The following GULP1 variants were observed in gnomAD, a reference collection of about 807,000 sequenced individuals.
GULP1 encodes the protein PTB domain-containing engulfment adapter protein 1.
In GULP1, 19 loss-of-function variants were observed where a neutral mutation model predicts 40.9. The observed-to-expected ratio is 0.46, with a 90% CI of 0.32 to 0.68. GULP1 has a LOEUF of 0.68. Among genes scored for constraint, GULP1 ranks in the 30% least tolerant of loss-of-function variants. The pLI, the probability that GULP1 is intolerant of heterozygous loss-of-function variation, is 0.03. For missense variants in GULP1, 312 were observed against 362.2 expected, an observed-to-expected ratio of 0.86 and a Z score of 1.12; for synonymous variants, 119 against 117.6, an observed-to-expected ratio of 1.01 and a Z score of -0.08.
At chr2:188,521,269 A>T (rs758303827) in intron 4 of GULP1, among the ~76,000 whole-genome samples, 5 of 152,156 alleles carry the variant, frequency 3.3e-5, no homozygotes, top group Non-Finnish European at 7.4e-5. Flanking sequence ...GTGATACTAG[A>T]CTTCTGTTTA....
At chr2:188,410,825 G>A (rs1247018014) in intron 2 of GULP1, among the ~76,000 whole-genome samples, 1 of 152,142 alleles carries the variant, frequency 6.6e-6, no homozygotes, top group Admixed American at 6.5e-5. Flanking sequence ...ATAAGAAATA[G>A]GCACAGACCT....
intron 1 of GULP1, among the ~76,000 whole-genome samples, chr2:188,365,127 C>A (rs2046616732): frequency 6.6e-6 from 1 of 152,082 alleles, no homozygotes. Context: ...TAGTGTTTCC[C>A]TGATGAAACA....
intron 2 of GULP1, among the ~76,000 whole-genome samples, chr2:188,468,277 G>A (rs1249982118): frequency 6.6e-6 from 1 of 152,066 alleles, no homozygotes; most frequent in African/African-American, 2.4e-5. Flanking sequence ...TGTGATATGT[G>A]TAATAAAGGA....
chr2:188,442,856 A>G (rs941829441), intron 2 of GULP1, among the ~76,000 whole-genome samples: 9 of 152,182 alleles, frequency 5.9e-5, no homozygotes, highest in Non-Finnish European at 1.2e-4. Context: ...AAAAGATCAG[A>G]TTCTGTCCCT....
intron 1 of GULP1, among the ~76,000 whole-genome samples, chr2:188,368,039 T>C (rs1170915717): frequency 6.6e-6 from 1 of 152,200 alleles, no homozygotes; most frequent in Non-Finnish European, 1.5e-5. Context: ...TTTCTATCCC[T>C]TCCTCTTCTT....
chr2:188,373,510 C>T (rs2152454472), intron 1 of GULP1, among the ~76,000 whole-genome samples: 1 of 151,874 alleles, frequency 6.6e-6, no homozygotes, highest in East Asian at 1.9e-4. Context: ...TTTACTTTTC[C>T]AGTTCCATAA....
At chr2:188,298,042 T>TA (rs946851860) in intron 1 of GULP1, among the ~76,000 whole-genome samples, 3 of 152,118 alleles carry the variant, frequency 2.0e-5, no homozygotes, top group Admixed American at 2.0e-4. Context: ...TTATAAGTAC[T>TA]AATGAGAGTT....
chr2:188,438,864 A>G (rs956121779), intron 2 of GULP1, among the ~76,000 whole-genome samples: 1 of 152,046 alleles, frequency 6.6e-6, no homozygotes, highest in East Asian at 1.9e-4. Context: ...CATGTCTGTA[A>G]CAATAAACTG....
At position 188,595,658 on chromosome 2, in the gene GULP1, T is replaced by A. The variant is rs1006071280; in HGVS notation, c.*1647T>A. The A allele has an allele frequency of 1.1e-4, 17 of 152,200 alleles. No homozygotes were observed. Among genetic ancestry groups the A allele is most frequent in the African/African-American group, 3.9e-4 (16 of 41,424 alleles). The allele number at this position is 152,200 out of a possible 1,614,324, so 9.4% of individuals were successfully genotyped here. On this transcript the variant is annotated 3_prime_UTR_variant, in exon 12 of 12. Transcript: ENST00000409830. ...TTATTGTACTTTAAAAAGATTTATG[T>A]AATAGGTATATATTTAGTGGCCATT...
At chr2:188,319,346 A>G (rs1213865396) in intron 1 of GULP1, among the ~76,000 whole-genome samples, 1 of 152,168 alleles carries the variant, frequency 6.6e-6, no homozygotes, top group East Asian at 1.9e-4. Flanking sequence ...GGTAAAAACA[A>G]TAGTTTAGTA....
intron 2 of GULP1, among the ~76,000 whole-genome samples, chr2:188,418,044 C>A (rs2054826178): frequency 6.6e-6 from 1 of 151,878 alleles, no homozygotes; most frequent in African/African-American, 2.4e-5. Flanking sequence ...AAACTCCAGG[C>A]CTCTAGTAAT....
intron 5 of GULP1, among the ~76,000 whole-genome samples, chr2:188,527,940 A>AT (rs1197664866): frequency 6.6e-6 from 1 of 152,208 alleles, no homozygotes; most frequent in Non-Finnish European, 1.5e-5. Context: ...GCTGTCTTGC[A>AT]TTACATGTCA....
At chr2:188,446,419 C>G (rs1481897870) in intron 2 of GULP1, among the ~76,000 whole-genome samples, 1 of 152,190 alleles carries the variant, frequency 6.6e-6, no homozygotes, top group Non-Finnish European at 1.5e-5. Flanking sequence ...CAGCCTGTTA[C>G]TTGCATCTCC....
At chr2:188,315,623 C>A (rs2038944891) in intron 1 of GULP1, among the ~76,000 whole-genome samples, 1 of 152,016 alleles carries the variant, frequency 6.6e-6, no homozygotes, top group Admixed American at 6.6e-5. Context: ...CAGTAGGCCC[C>A]CTTCATCCTC....
At chr2:188,490,063 CTT>C (rs540013432) in intron 4 of GULP1, among the ~76,000 whole-genome samples, 133 of 152,060 alleles carry the variant, frequency 8.7e-4, no homozygotes, top group African/African-American at 3.2e-3. Context: ...GAACTAAAAA[CTT>C]TTATTAGTAC....
intron 2 of GULP1, among the ~76,000 whole-genome samples, chr2:188,456,312 G>C (rs559451906): frequency 1.3e-5 from 2 of 152,088 alleles, no homozygotes; most frequent in Non-Finnish European, 2.9e-5. Context: ...ATCACGTGCC[G>C]GAAGGCCTAG....
chr2:188,470,850 G>A (rs892240307), intron 2 of GULP1, among the ~76,000 whole-genome samples: 2 of 152,144 alleles, frequency 1.3e-5, no homozygotes, highest in Non-Finnish European at 2.9e-5. Flanking sequence ...CCTTGAGAAT[G>A]ATCCATGCTC....
At chr2:188,406,994 GA>G (rs2053207963) in intron 2 of GULP1, among the ~76,000 whole-genome samples, 1 of 152,046 alleles carries the variant, frequency 6.6e-6, no homozygotes, top group Non-Finnish European at 1.5e-5. Flanking sequence ...AGAGAATCCT[GA>G]AAGCAACAAG....
chr2:188,555,247 T>C (rs149763094), intron 7 of GULP1, among the ~76,000 whole-genome samples: 40 of 152,296 alleles, frequency 2.6e-4, no homozygotes, highest in African/African-American at 9.1e-4. Context: ...GTTGTTTTGG[T>C]AGATGTCTGT....
Sources: gnomAD v4.1 joint callset for allele counts (sites outside exome capture counted in the v4.1 genomes callset) on GRCh38, gnomAD v4.1.1 for gene constraint, MANE v1.5 for transcripts, NCBI Gene and HGNC (gene_info 2026-07-23, HGNC 2026-07-21) for gene names.